Variants in PMPCB observed in about 807,000 individuals in gnomAD.
PMPCB encodes mitochondrial-processing peptidase subunit beta.
Under a neutral mutation model 61.5 loss-of-function variants are expected in PMPCB, and 46 were observed. The ratio of observed to expected loss-of-function variants is 0.75; its 90% CI spans 0.59 to 0.96. The LOEUF (loss-of-function observed/expected upper bound fraction) is 0.96. Among genes scored for constraint, PMPCB ranks in the 40% least tolerant of loss-of-function variants. The pLI is 0.00. For synonymous variants in PMPCB, 191 were observed against 201.6 expected (o/e 0.95, Z 0.44); for missense variants, 590 against 602.4 (o/e 0.98, Z 0.22).
chr7:103,307,489 T>G (rs1272808926), intron 6 of PMPCB, 107 bp from the exon 7 acceptor site: 2 of 640,942 alleles, frequency 3.1e-6, no homozygotes, highest in Non-Finnish European at 5.6e-6. Context: ...TGGCTTTTAG[T>G]GAGTGTAGAT....
intron 12 of PMPCB, chr7:103,322,542 G>C: frequency 6.5e-7 from 1 of 1,547,816 alleles, no homozygotes; most frequent in Non-Finnish European, 8.8e-7. Context: ...CTTCCGTTTA[G>C]CTTCTGCTTT....
chr7:103,312,405 A>G lies in PMPCB; in HGVS notation c.*134A>G, dbSNP rs915077674. The G allele has an allele frequency of 7.3e-6, 11 of 1,510,774 alleles. No individual in the cohort carries two copies. The East Asian group carries it at 2.4e-4, about 33-fold the overall frequency. 93.6% of individuals were successfully genotyped at this position (1,510,774 alleles called of 1,614,324 possible). ...CATACTTTCAAAGGATAAAAAGACT[A>G]CCCCTCTGAAGGTTGTTTTGTATTA... On this transcript the variant is annotated 3_prime_UTR_variant, in exon 13 of 13. Transcript: ENST00000249269.
the PMPCB span, among the ~76,000 whole-genome samples, chr7:103,343,517 G>A: frequency 6.6e-6 from 1 of 152,154 alleles, no homozygotes; most frequent in Admixed American, 6.5e-5. Flanking sequence ...AATGAATCAG[G>A]ATGTCTTCAC....
chr7:103,297,957 A>G, intron 1 of PMPCB: 1 of 1,210,518 alleles, frequency 8.3e-7, no homozygotes, highest in Non-Finnish European at 1.0e-6. Flanking sequence ...CAATGAAGTA[A>G]AATTTTTTAT....
intron 6 of PMPCB, among the ~76,000 whole-genome samples, chr7:103,305,152 A>G (rs190511730): frequency 9.2e-5 from 14 of 152,336 alleles, no homozygotes; most frequent in African/African-American, 3.4e-4. Context: ...TCCTTGTTCA[A>G]GCATGGAACG....
downstream of PMPCB, chr7:103,317,064 T>G: frequency 3.4e-6 from 5 of 1,480,312 alleles, no homozygotes; most frequent in Non-Finnish European, 4.6e-6. Context: ...GTATTGCTAT[T>G]CTACACTCTC....
chr7:103,339,611 T>TC, the PMPCB span, among the ~76,000 whole-genome samples: 1 of 152,142 alleles, frequency 6.6e-6, no homozygotes, highest in East Asian at 1.9e-4. Context: ...ATGGTTTTTT[T>TC]TTTTTTTGAG....
chr7:103,325,463 C>G (rs1359206010), intron 12 of PMPCB, among the ~76,000 whole-genome samples: 1 of 149,758 alleles, frequency 6.7e-6, no homozygotes. Context: ...AAAAAAAAAC[C>G]AAAAAACAGG....
At chr7:103,334,970 A>G in the PMPCB span, among the ~76,000 whole-genome samples, 298 of 151,966 alleles carry the variant, frequency 2.0e-3, 3 homozygotes, top group South Asian at 0.018. Flanking sequence ...AGTAGCTGGG[A>G]TTACAGGCAT....
chr7:103,301,154 G>A (rs1817440331), intron 4 of PMPCB, among the ~76,000 whole-genome samples: 1 of 152,180 alleles, frequency 6.6e-6, no homozygotes, highest in Admixed American at 6.5e-5. Flanking sequence ...TTGCAGTTGT[G>A]GAAATTGAAG....
chr7:103,317,965 TA>T, downstream of PMPCB, among the ~76,000 whole-genome samples: 1 of 536 alleles, frequency 1.9e-3, no homozygotes, highest in African/African-American at 0.012. Context: ...GATTCTTAAA[TA>T]AATAAGATTC....
At chr7:103,319,136 T>TCAAAAA (rs554198410), downstream of PMPCB, among the ~76,000 whole-genome samples, 1 of 151,736 alleles carries the variant, frequency 6.6e-6, no homozygotes, top group Non-Finnish European at 1.5e-5. Flanking sequence ...AGACTCCATC[T>TCAAAAA]CAAAAACAAA....
At position 103,310,330 on chromosome 7, in the gene PMPCB, C is replaced by T. The variant is rs777389810; in HGVS notation, c.1009C>T (p.Leu337=). Residue 337 remains leucine (L), a synonymous_variant, in exon 9 of 13, where the codon CTG becomes TTG. Coordinates refer to ENST00000249269, the MANE Select transcript of PMPCB (RefSeq NM_004279.3). ...FGGGMNLSSK[L]AQLTCHGNLC... ...TTCCTTGCAGAATTTATCTAGCAAG[C>T]TGGCCCAGCTCACTTGTCATGGCAA... is the stretch of plus-strand genomic sequence containing the variant. 6.0e-5 allele frequency: 97 copies of T among 1,611,976 alleles called. No homozygotes were observed. The highest frequency in any genetic ancestry group is 8.0e-5 in the Non-Finnish European group (94 of 1,179,294).
rs530387097 is a variant in PMPCB at position 103,303,531 on chromosome 7, T to A, written c.458-311T>A. ...GTATTTTCAGACTAATATATATAAC[T>A]TTGTAATTTTCATATAGAACAATCT... On this transcript the variant is annotated intron_variant, in intron 4 of 12. Transcript: ENST00000249269. Among the ~76,000 whole-genome samples, 8 of 152,352 alleles carry A rather than the reference T, an allele frequency of 5.3e-5. No homozygotes were observed. In the South Asian group the frequency reaches 8.3e-4, roughly 16 times the overall value.
At chr7:103,318,160 A>AT (rs3214210), downstream of PMPCB, among the ~76,000 whole-genome samples, 32 of 146,498 alleles carry the variant, frequency 2.2e-4, no homozygotes, top group African/African-American at 5.0e-4. Context: ...TCCCCATAAC[A>AT]TTTTTTTTTT....
chr7:103,303,719 C>T (rs1262326758), intron 4 of PMPCB, 123 bp from the exon 5 acceptor site: 8 of 636,826 alleles, frequency 1.3e-5, no homozygotes, highest in Non-Finnish European at 2.1e-5. Flanking sequence ...TGTTTTTCTC[C>T]TAGGCTAATC....
downstream of PMPCB, chr7:103,317,311 T>C: frequency 3.2e-6 from 1 of 309,290 alleles, no homozygotes; most frequent in Non-Finnish European, 5.9e-6. Flanking sequence ...CACTGAGTTA[T>C]TCATCCACAA....
chr7:103,346,907 CTT>C, the PMPCB span, among the ~76,000 whole-genome samples: 1 of 152,052 alleles, frequency 6.6e-6, no homozygotes, highest in Non-Finnish European at 1.5e-5. Flanking sequence ...TAGATGGACA[CTT>C]GGGTTGCTTC....
At chr7:103,327,296 A>T (rs1239474247) in intron 12 of PMPCB, 2 of 1,194,312 alleles carry the variant, frequency 1.7e-6, no homozygotes, top group South Asian at 1.3e-5. Flanking sequence ...AAAAAAAAAA[A>T]ATCTTAGTAT....
Sources: gnomAD v4.1 joint callset for allele counts (sites outside exome capture counted in the v4.1 genomes callset) on GRCh38, gnomAD v4.1.1 for gene constraint, MANE v1.5 for transcripts, NCBI Gene and HGNC (gene_info 2026-07-23, HGNC 2026-07-21) for gene names.